Variants in SYT7 observed in about 807,000 individuals in gnomAD.
SYT7 encodes synaptotagmin 7, also known as synaptotagmin-7.
A neutral mutation model predicts 75.1 loss-of-function variants in SYT7; 29 were observed. The ratio of observed to expected loss-of-function variants is 0.39; its 90% CI spans 0.29 to 0.53. The LOEUF (loss-of-function observed/expected upper bound fraction) is 0.53. Among genes scored for constraint, SYT7 ranks in the 20% least tolerant of loss-of-function variants. The pLI is 0.77. For synonymous variants in SYT7, 376 were observed against 401.7 expected (o/e 0.94, Z 0.76); for missense variants, 693 against 953.2 (o/e 0.73, Z 3.59).
chr11:61,529,390 T>C (rs1419923189), intron 8 of SYT7, among the ~76,000 whole-genome samples: 1 of 152,170 alleles, frequency 6.6e-6, no homozygotes, highest in Non-Finnish European at 1.5e-5. Context: ...CATCGCCGTC[T>C]CCTTACTGAA....
intron 3 of SYT7, among the ~76,000 whole-genome samples, chr11:61,548,331 C>T (rs1400733464): frequency 2.6e-5 from 4 of 152,188 alleles, no homozygotes; most frequent in Admixed American, 1.3e-4. Context: ...GGGACCCTCA[C>T]CCTGGACTCT....
intron 1 of SYT7, among the ~76,000 whole-genome samples, chr11:61,574,754 C>A (rs541170553): frequency 6.6e-6 from 1 of 152,026 alleles, no homozygotes; most frequent in African/African-American, 2.4e-5. Context: ...CCTGGCAGAG[C>A]GGGAGAGAGC....
Position 61,523,093 on chromosome 11 carries a change from G to A in SYT7, c.1938C>T (p.Arg646=), listed in dbSNP as rs1239811531. The change falls in exon 12 of 13, where the codon CGC becomes CGT. Residue 646 remains arginine, a synonymous_variant. Transcript: ENST00000539008. This position sits in a 1 kb window ranked among gnomAD's most constrained non-coding sequence, Gnocchi z 5.0. ...CCCCTACCTTGCCGATGACGTCATT[G>A]CGGCTGAGCTTGTCCTTGTCCATGA... ...ITVMDKDKLS[R]NDVIGKIYLS... The A allele has an allele frequency of 1.2e-6, 2 of 1,614,080 alleles. No homozygotes were observed. The highest frequency in any genetic ancestry group is 1.1e-5 in the South Asian group (1 of 91,082).
At chr11:61,574,847 C>A (rs1179456737) in intron 1 of SYT7, among the ~76,000 whole-genome samples, 1 of 152,014 alleles carries the variant, frequency 6.6e-6, no homozygotes, top group African/African-American at 2.4e-5. Flanking sequence ...CCAATTTGTA[C>A]CCAGGGCCCC....
chr11:61,536,743 T>C (rs1363238639), intron 7 of SYT7, among the ~76,000 whole-genome samples: 1 of 151,914 alleles, frequency 6.6e-6, no homozygotes, highest in African/African-American at 2.4e-5. Context: ...GGAGGGGTGG[T>C]CTCCAGGAGC....
Position 61,558,535 on chromosome 11 carries a change from C to CAT in SYT7, c.32-2330_32-2329dup, listed in dbSNP as rs58385586. ...ACACACACACACACACACACACACA[C>CAT]ATATATATATAAATTATGAGGGTGT... On this transcript the variant is annotated intron_variant, in intron 1 of 12. Coordinates refer to ENST00000539008, the MANE Select transcript of SYT7 (RefSeq NM_001365809.2). Among the ~76,000 whole-genome samples the CAT allele has an allele frequency of 3.8e-3, 524 of 137,722 alleles. 26 individuals carry two copies. In the South Asian group the frequency reaches 0.1, roughly 27 times the overall value. 90.4% of individuals were successfully genotyped at this position (137,722 alleles called of 152,430 possible). A position where few individuals can be genotyped will look rare whatever the true frequency, so the allele number is the denominator to read the frequency against.
Position 61,523,005 on chromosome 11 carries a change from G to T in SYT7, c.1956+70C>A. 6.5e-7 allele frequency: 1 copy of T among 1,534,688 alleles called. No homozygotes were observed. On this transcript the variant is annotated intron_variant, in intron 12 of 12. Transcript: ENST00000539008. The surrounding 1 kb of genome is among the most constrained non-coding windows in gnomAD (Gnocchi z 5.0). ...CAGCCTGTGCCCGTCCACTACCCCC[G>T]CTGCTTCTTTTAAGGAACGGAGCCT...
intron 12 of SYT7, among the ~76,000 whole-genome samples, chr11:61,520,522 TAA>T (rs34869695): frequency 7.0e-6 from 1 of 141,962 alleles, no homozygotes; most frequent in Non-Finnish European, 1.5e-5. Context: ...AGACTCTGTC[TAA>T]AAAAAAAAAA....
intron 9 of SYT7, chr11:61,526,033 G>A (rs993982600): frequency 3.3e-5 from 5 of 152,412 alleles, no homozygotes; most frequent in African/African-American, 1.2e-4. Context: ...TCTGAAACCA[G>A]GTATGAGCAG....
Position 61,558,503 on chromosome 11 carries a change from CAT to C in SYT7, c.32-2298_32-2297del, listed in dbSNP as rs1555015840. 7.5e-3 allele frequency among the ~76,000 whole-genome samples: 994 copies of C among 132,284 alleles called. 9 individuals carry two copies. The highest frequency in any genetic ancestry group is 0.026 in the African/African-American group (901 of 34,960). 86.8% of individuals were successfully genotyped at this position (132,284 alleles called of 152,430 possible). On this transcript the variant is annotated intron_variant, in intron 1 of 12. Transcript: ENST00000539008. ...ATATATATACACACACACACACACACATACACACACACACACACACACACACA... is the reference window on the plus strand; with the variant it reads ...ATATATATACACACACACACACACACACACACACACACACACACACACACA...
chr11:61,566,227 T>C (rs895140945), intron 1 of SYT7, among the ~76,000 whole-genome samples: 1 of 152,162 alleles, frequency 6.6e-6, no homozygotes, highest in African/African-American at 2.4e-5. Flanking sequence ...TTCACATGCA[T>C]TATTGAATTT....
intron 6 of SYT7, 82 bp from the exon 7 acceptor site, chr11:61,538,348 A>AGAGGGAGG: frequency 4.6e-6 from 2 of 436,544 alleles, no homozygotes; most frequent in Admixed American, 4.0e-5. Context: ...AGAGAGAGGG[A>AGAGGGAGG]GAGAGAGAGA....
chr11:61,585,946 A>T (rs1297659477), upstream of SYT7, among the ~76,000 whole-genome samples: 1 of 152,188 alleles, frequency 6.6e-6, no homozygotes, highest in Non-Finnish European at 1.5e-5. Flanking sequence ...CCACACAAAG[A>T]TGTGAGAATA....
intron 8 of SYT7, chr11:61,531,100 G>A (rs1379223689): frequency 5.0e-5 from 49 of 985,354 alleles, no homozygotes; most frequent in Non-Finnish European, 5.7e-5. Flanking sequence ...AGGGTCCAGA[G>A]ACCAGGACAG....
At chr11:61,582,676 G>A (rs1256437481), upstream of SYT7, among the ~76,000 whole-genome samples, 2 of 152,194 alleles carry the variant, frequency 1.3e-5, no homozygotes, top group South Asian at 2.1e-4. Context: ...AAAAGGCATC[G>A]TAGGTTAAGG....
intron 6 of SYT7, chr11:61,540,209 G>C (rs2063001157): frequency 1.3e-5 from 2 of 152,132 alleles, no homozygotes; most frequent in Admixed American, 1.3e-4. Flanking sequence ...TGTTAGGGGA[G>C]TCACGACCAT....
intron 1 of SYT7, among the ~76,000 whole-genome samples, chr11:61,570,285 C>T (rs915608942): frequency 6.6e-6 from 1 of 152,120 alleles, no homozygotes; most frequent in African/African-American, 2.4e-5. Flanking sequence ...TGATCAAAGC[C>T]CTCTGGAGTG....
chr11:61,532,892 C>A, intron 8 of SYT7, 97 bp downstream of exon 8: 2 of 1,533,920 alleles, frequency 1.3e-6, no homozygotes, highest in Non-Finnish European at 1.8e-6. Context: ...CCTGGCCACT[C>A]CCATGCTGTT....
chr11:61,579,374 C>A (rs2064177122), intron 1 of SYT7, among the ~76,000 whole-genome samples: 1 of 152,228 alleles, frequency 6.6e-6, no homozygotes, highest in Non-Finnish European at 1.5e-5. Flanking sequence ...TCTCCACAGG[C>A]AATGCCCCTT....
Sources: allele counts gnomAD v4.1 joint callset (sites outside exome capture counted in the v4.1 genomes callset), GRCh38; gene constraint gnomAD v4.1.1; non-coding constraint Gnocchi (gnomAD v3.1); transcripts MANE v1.5; gene names NCBI Gene and HGNC (gene_info 2026-07-23, HGNC 2026-07-21).